FAM169A: variants seen among roughly 807,000 people sequenced by gnomAD.
FAM169A encodes family with sequence similarity 169 member A, also known as soluble lamin-associated protein of 75 kDa.
Under a neutral mutation model 75.7 loss-of-function variants are expected in FAM169A, and 24 were observed. That is an observed-to-expected ratio of 0.32 (90% CI 0.23 to 0.45). The LOEUF (loss-of-function observed/expected upper bound fraction) is 0.45, where lower values mean the gene tolerates loss of function less well. FAM169A is among the 20% of genes least tolerant of loss of function. The pLI, the probability that FAM169A is intolerant of heterozygous loss-of-function variation, is 1.00. For missense variants in FAM169A, 673 were observed against 784.0 expected (o/e 0.86, Z 1.69); for synonymous variants, 271 against 271.0 (o/e 1.00, Z 0.00).
chr5:74,857,751 C>T (rs929131977), intron 1 of FAM169A, among the ~76,000 whole-genome samples: 10 of 151,914 alleles, frequency 6.6e-5, no homozygotes, highest in Admixed American at 6.6e-4. Flanking sequence ...TGCATGAAAA[C>T]ATGACCAGCC....
At chr5:74,782,893 G>A in intron 12 of FAM169A, 38 bp downstream of exon 12, 9 of 1,508,706 alleles carry the variant, frequency 6.0e-6, no homozygotes, top group Non-Finnish European at 8.2e-6. Flanking sequence ...CACCAACATT[G>A]GTAAACTTTA....
chr5:74,847,908 ATT>A (rs1749241762), intron 1 of FAM169A, among the ~76,000 whole-genome samples: 1 of 152,198 alleles, frequency 6.6e-6, no homozygotes, highest in Non-Finnish European at 1.5e-5. Context: ...GAGTCTGACA[ATT>A]TAGATAACCT....
intron 4 of FAM169A, 67 bp downstream of exon 4, chr5:74,838,898 C>T: frequency 1.9e-6 from 2 of 1,064,928 alleles, no homozygotes; most frequent in Non-Finnish European, 2.9e-6. Context: ...CAAAAACTAT[C>T]ACTGTTTACA....
At chr5:74,814,206 T>A (rs552353325) in intron 5 of FAM169A, among the ~76,000 whole-genome samples, 187 bp from the exon 6 acceptor site, 8 of 152,292 alleles carry the variant, frequency 5.3e-5, no homozygotes, top group Admixed American at 4.6e-4. Context: ...AATGTGATAA[T>A]GAAAGGAGCT....
chr5:74,805,004 T>C (rs1047377131), intron 7 of FAM169A, 152 bp downstream of exon 7: 2 of 641,342 alleles, frequency 3.1e-6, no homozygotes, highest in Admixed American at 6.1e-5. Context: ...AGTCTGTTAC[T>C]AGAACAATCA....
intron 1 of FAM169A, among the ~76,000 whole-genome samples, chr5:74,856,592 C>T (rs1749717279): frequency 6.6e-6 from 1 of 151,884 alleles, no homozygotes; most frequent in Non-Finnish European, 1.5e-5. Flanking sequence ...ATAAAATACA[C>T]TACATTGCAC....
At chr5:74,827,892 C>T (rs1362797456) in intron 5 of FAM169A, among the ~76,000 whole-genome samples, 3 of 151,994 alleles carry the variant, frequency 2.0e-5, no homozygotes, top group Non-Finnish European at 4.4e-5. Flanking sequence ...TCTTGAACTC[C>T]TGACCTCGGG....
At chr5:74,799,541 T>C in intron 10 of FAM169A, 1 of 1,541,056 alleles carries the variant, frequency 6.5e-7, no homozygotes, top group East Asian at 2.2e-5. Flanking sequence ...CTGGCCAGCA[T>C]GCCCTGGGAC....
chr5:74,812,075 T>G (rs1342575736), intron 6 of FAM169A, among the ~76,000 whole-genome samples: 1 of 152,216 alleles, frequency 6.6e-6, no homozygotes, highest in Non-Finnish European at 1.5e-5. Flanking sequence ...CCATTTCTCA[T>G]GGATGGTACA....
intron 6 of FAM169A, among the ~76,000 whole-genome samples, chr5:74,805,783 T>C (rs187803912): frequency 6.6e-6 from 1 of 151,926 alleles, no homozygotes; most frequent in Admixed American, 6.6e-5. Flanking sequence ...AAAAAGATTG[T>C]CAGACTCAAT....
At chr5:74,820,022 G>T (rs984262071) in intron 5 of FAM169A, among the ~76,000 whole-genome samples, 3 of 134,366 alleles carry the variant, frequency 2.2e-5, no homozygotes, top group Admixed American at 1.6e-4. Flanking sequence ...TTGAGGCAGA[G>T]TCTCATTCTG....
At chr5:74,859,622 C>A (rs1749931462) in intron 1 of FAM169A, among the ~76,000 whole-genome samples, 1 of 152,142 alleles carries the variant, frequency 6.6e-6, no homozygotes, top group South Asian at 2.1e-4. Context: ...TCTATCAACT[C>A]AACTTGTGGT....
In FAM169A at chr5:74,779,462, A is replaced by G. The variant is rs1745297207; in HGVS notation, c.*1998T>C. ...TTAAACAAATCCAAGTAAAAATAAAATATCTACAAGTGTTTTCAAATCTAA... is the reference window on the plus strand; with the variant it reads ...TTAAACAAATCCAAGTAAAAATAAAGTATCTACAAGTGTTTTCAAATCTAA... On this transcript the variant is annotated 3_prime_UTR_variant, in exon 13 of 13. Coordinates refer to ENST00000687041, the MANE Select transcript of FAM169A (RefSeq NM_001376049.1). 1 of 152,172 alleles carries G rather than the reference A, an allele frequency of 6.6e-6. No individual in the cohort carries two copies. The highest frequency in any genetic ancestry group is 2.4e-5 in the African/African-American group (1 of 41,450). The allele number at this position is 152,172 out of a possible 1,614,324, so 9.4% of individuals were successfully genotyped here.
intron 5 of FAM169A, among the ~76,000 whole-genome samples, chr5:74,822,051 A>G (rs1229857621): frequency 6.6e-6 from 1 of 152,188 alleles, no homozygotes; most frequent in African/African-American, 2.4e-5. Flanking sequence ...AAGAGTGCCA[A>G]AGTGGAACCT....
At chr5:74,842,910 T>C (rs913850421) in intron 1 of FAM169A, among the ~76,000 whole-genome samples, 1 of 152,138 alleles carries the variant, frequency 6.6e-6, no homozygotes, top group Non-Finnish European at 1.5e-5. Context: ...GCTATATCTA[T>C]TATTTGCAAA....
chr5:74,788,693 G>GA (rs1745819734), intron 11 of FAM169A, among the ~76,000 whole-genome samples: 1 of 146,402 alleles, frequency 6.8e-6, no homozygotes, highest in Admixed American at 6.9e-5. Flanking sequence ...CAACAACAGC[G>GA]AAACTCCATC....
intron 4 of FAM169A, among the ~76,000 whole-genome samples, chr5:74,835,204 G>A (rs937832505): frequency 3.3e-5 from 5 of 152,030 alleles, no homozygotes; most frequent in African/African-American, 1.2e-4. Context: ...CATACTTAGG[G>A]CAGTAATAGA....
At chr5:74,818,803 C>CTCTA (rs1451956898) in intron 5 of FAM169A, among the ~76,000 whole-genome samples, 194 of 121,642 alleles carry the variant, frequency 1.6e-3, no homozygotes, top group African/African-American at 3.6e-3. Flanking sequence ...CTCTCTCTCT[C>CTCTA]TATATATATA....
At chr5:74,786,480 TTTAGAG>T in intron 11 of FAM169A, among the ~76,000 whole-genome samples, 1 of 152,266 alleles carries the variant, frequency 6.6e-6, no homozygotes, top group East Asian at 1.9e-4. Flanking sequence ...GCATGAACTG[TTTAGAG>T]TTATGCAAAA....
Sources: allele counts gnomAD v4.1 joint callset (sites outside exome capture counted in the v4.1 genomes callset), GRCh38; gene constraint gnomAD v4.1.1; transcripts MANE v1.5; gene names NCBI Gene and HGNC (gene_info 2026-07-23, HGNC 2026-07-21).